ARAP2: variants seen among roughly 807,000 people sequenced by gnomAD.
The protein encoded by ARAP2 is arf-GAP with Rho-GAP domain, ANK repeat and PH domain-containing protein 2.
In ARAP2, 148 loss-of-function variants were observed where a neutral mutation model predicts 194.5. That is an observed-to-expected ratio of 0.76 (90% CI 0.67 to 0.87). ARAP2 has a LOEUF of 0.87. ARAP2 is among the 40% of genes least tolerant of loss of function. ARAP2 has a pLI of 0.00. For synonymous variants in ARAP2, 695 were observed against 683.5 expected (o/e 1.02, Z -0.26); for missense variants, 2,128 against 1,989.7 (o/e 1.07, Z -1.32).
chr4:36,172,175 T>C (rs1465213597), intron 9 of ARAP2, among the ~76,000 whole-genome samples: 2 of 152,176 alleles, frequency 1.3e-5, no homozygotes, highest in Non-Finnish European at 2.9e-5. Context: ...AAAATAACAA[T>C]GGCTATGCTT....
chr4:36,186,732 T>C (rs1740651664), intron 8 of ARAP2, among the ~76,000 whole-genome samples: 1 of 152,214 alleles, frequency 6.6e-6, no homozygotes, highest in African/African-American at 2.4e-5. Context: ...CAGCACAAAC[T>C]CTACTGTAAA....
chr4:36,062,708 T>G (rs936094950), downstream of ARAP2, among the ~76,000 whole-genome samples: 2 of 151,998 alleles, frequency 1.3e-5, no homozygotes, highest in East Asian at 3.9e-4. Flanking sequence ...CATTCCTACT[T>G]CTCAGATGAG....
chr4:36,191,189 A>G (rs1741815011), intron 7 of ARAP2, among the ~76,000 whole-genome samples: 1 of 152,232 alleles, frequency 6.6e-6, no homozygotes, highest in African/African-American at 2.4e-5. Context: ...GGAACTTATA[A>G]CAACATCCCT....
intron 32 of ARAP2, among the ~76,000 whole-genome samples, chr4:36,068,971 C>T (rs147825143): frequency 1.8e-4 from 27 of 152,306 alleles, no homozygotes; most frequent in African/African-American, 6.0e-4. Context: ...TTGAATCTCA[C>T]TTCATACTTG....
chr4:36,094,138 C>G (rs1405345312), intron 27 of ARAP2, among the ~76,000 whole-genome samples: 1 of 152,066 alleles, frequency 6.6e-6, no homozygotes, highest in Non-Finnish European at 1.5e-5. Flanking sequence ...CAAATCCAAC[C>G]CTCTGCTTAT....
At chr4:36,185,406 G>A (rs1449696428) in intron 8 of ARAP2, among the ~76,000 whole-genome samples, 1 of 152,012 alleles carries the variant, frequency 6.6e-6, no homozygotes, top group African/African-American at 2.4e-5. Context: ...GGTGTTTCTG[G>A]TGACATCATA....
At chr4:36,219,635 G>A (rs1748724334) in intron 2 of ARAP2, among the ~76,000 whole-genome samples, 1 of 152,036 alleles carries the variant, frequency 6.6e-6, no homozygotes, top group South Asian at 2.1e-4. Flanking sequence ...TATTTTATAT[G>A]TAAATTATGT....
At chr4:36,142,046 T>C (rs1019527900) in intron 19 of ARAP2, among the ~76,000 whole-genome samples, 1 of 151,700 alleles carries the variant, frequency 6.6e-6, no homozygotes, top group Admixed American at 6.6e-5. Context: ...GTTTGAGTAC[T>C]GGGAGAGAAG....
At chr4:36,036,866 T>A (rs1720020063) in intron 5 of ARAP2, among the ~76,000 whole-genome samples, 1 of 152,188 alleles carries the variant, frequency 6.6e-6, no homozygotes, top group African/African-American at 2.4e-5. Flanking sequence ...TTATATACTC[T>A]TTGTAATGAT....
chr4:36,073,494 T>C (rs1727514500), intron 32 of ARAP2, among the ~76,000 whole-genome samples, 195 bp downstream of exon 32: 1 of 152,128 alleles, frequency 6.6e-6, no homozygotes, highest in African/African-American at 2.4e-5. Context: ...TGTGATTGGG[T>C]GGTCAATGAT....
intron 9 of ARAP2, among the ~76,000 whole-genome samples, chr4:36,011,487 C>G (rs1206210283): frequency 6.6e-6 from 1 of 152,154 alleles, no homozygotes; most frequent in Non-Finnish European, 1.5e-5. Context: ...AAGTCTAGCT[C>G]ACATCTTCAG....
chr4:36,119,572 C>T, intron 24 of ARAP2, 78 bp downstream of exon 24: 1 of 1,001,050 alleles, frequency 1.0e-6, no homozygotes, highest in South Asian at 1.8e-5. Context: ...CTTGAAAATA[C>T]ACACAGCAAA....
rs114517561 is a variant in ARAP2, at chr4:36,155,239, T to C, written c.2752+3491A>G. ...CAAGCTAGAAAAAGCTGATGCCTCA[T>C]TGAGCTTTCACTTCAGGGGGAAAGA... On this transcript the variant is annotated intron_variant, in intron 15 of 32. Coordinates refer to ENST00000303965, the MANE Select transcript of ARAP2 (RefSeq NM_015230.4). 3.5e-3 allele frequency among the ~76,000 whole-genome samples: 529 copies of C among 152,322 alleles called. 2 individuals carry two copies. The highest frequency in any genetic ancestry group is 0.014 in the Middle Eastern group (4 of 294).
chr4:36,053,531 C>A (rs190856987), intron 2 of ARAP2, among the ~76,000 whole-genome samples: 1 of 152,280 alleles, frequency 6.6e-6, no homozygotes, highest in African/African-American at 2.4e-5. Context: ...CAAGATGCTG[C>A]ACTTTTCTAA....
chr4:36,028,790 A>G lies in ARAP2; in HGVS notation n.608-9504T>C, dbSNP rs1160937075. On this transcript the variant is annotated intron_variant and non_coding_transcript_variant, in intron 5 of 12. Coordinates refer to the ARAP2 transcript ENST00000503225. Reference sequence around the variant, plus strand: ...TTTTATTTTATCTCCTTGGTTGGTTATTTTTATTTTTTGGAAATTTTACTA... The same window carrying G: ...TTTTATTTTATCTCCTTGGTTGGTTGTTTTTATTTTTTGGAAATTTTACTA... 2.6e-5 allele frequency among the ~76,000 whole-genome samples: 4 copies of G among 151,112 alleles called. No homozygotes were observed. The East Asian group carries it at 7.8e-4, about 29-fold the overall frequency.
chr4:36,237,578 T>C (rs1016139792), intron 1 of ARAP2, among the ~76,000 whole-genome samples: 32 of 152,270 alleles, frequency 2.1e-4, no homozygotes, highest in African/African-American at 7.5e-4. Flanking sequence ...CATCTCTTGC[T>C]CCTTCCTGGC....
intron 31 of ARAP2, among the ~76,000 whole-genome samples, chr4:36,078,797 A>G (rs983810273): frequency 6.6e-6 from 1 of 152,172 alleles, no homozygotes; most frequent in Non-Finnish European, 1.5e-5. Context: ...GTTGTGCCAC[A>G]AATGACACTG....
intron 1 of ARAP2, among the ~76,000 whole-genome samples, chr4:36,241,712 C>A (rs1395668519): frequency 2.6e-5 from 4 of 151,532 alleles, no homozygotes; most frequent in Non-Finnish European, 4.4e-5. Flanking sequence ...TGATATATTC[C>A]AAAAAAAACA....
chr4:36,028,205 A>G (rs1037452120), intron 5 of ARAP2, among the ~76,000 whole-genome samples: 7 of 152,292 alleles, frequency 4.6e-5, no homozygotes, highest in Middle Eastern at 3.4e-3. Context: ...ATGATTCATT[A>G]AAAGAATTAG....
Sources: gnomAD v4.1 joint callset for allele counts (sites outside exome capture counted in the v4.1 genomes callset) on GRCh38, gnomAD v4.1.1 for gene constraint, MANE v1.5 for transcripts, NCBI Gene and HGNC (gene_info 2026-07-23, HGNC 2026-07-21) for gene names.